Variants in TREML4 observed in about 807,000 individuals in gnomAD.
TREML4 encodes trem-like transcript 4 protein.
A neutral mutation model predicts 25.4 loss-of-function variants in TREML4; 25 were observed. The ratio of observed to expected loss-of-function variants is 0.98; its 90% CI spans 0.72 to 1.37. The LOEUF (loss-of-function observed/expected upper bound fraction) is 1.37. Ranked by LOEUF, TREML4 falls within the 40% of genes most tolerant of loss-of-function variation. The pLI is 0.00. For synonymous variants in TREML4, 92 were observed against 87.9 expected (o/e 1.05, Z -0.26); for missense variants, 268 against 236.5 (o/e 1.13, Z -0.87).
intron 3 of TREML4, 186 bp downstream of exon 3, chr6:41,229,757 T>C (rs1013452457): frequency 7.4e-6 from 5 of 677,752 alleles, no homozygotes; most frequent in Non-Finnish European, 1.3e-5. Flanking sequence ...CTATCTGATG[T>C]GATCAGAAGA....
At chr6:41,236,711 G>A (rs745784588) in intron 5 of TREML4, 94 bp downstream of exon 5, 21 of 682,892 alleles carry the variant, frequency 3.1e-5, no homozygotes, top group Middle Eastern at 3.9e-4. Flanking sequence ...AGGTCACAGA[G>A]GCAGGAAAAA....
Position 41,229,007 on chromosome 6 carries a change from C to T in TREML4, c.357C>T (p.Ile119=). ...CGIYNASENI[I]TVLRNISLVV... ...TCTACAACGCTTCCGAAAACATCAT[C>T]ACTGTTCTTAGAAATATCAGCCTGG... Residue 119 remains isoleucine, a synonymous_variant, in exon 2 of 6, where the codon ATC becomes ATT. Transcript: ENST00000341495. The T allele has an allele frequency of 6.2e-7, 1 of 1,614,086 alleles. No homozygotes were observed. The highest frequency in any genetic ancestry group is 8.5e-7 in the Non-Finnish European group (1 of 1,179,962).
At position 41,228,932 on chromosome 6, in the gene TREML4, C is replaced by G; in HGVS notation, c.282C>G (p.Ile94Met). The change falls in exon 2 of 6, where the codon ATC (isoleucine) becomes ATG (methionine). Residue 94 changes from isoleucine (I) to methionine (M), a missense_variant. Coordinates refer to ENST00000341495, the MANE Select transcript of TREML4 (RefSeq NM_198153.3). ...AGCCCAATGCTGGCTTCTTCAACAT[C>G]ACCATGATTCAGCTGACACAGAATG... Reference protein sequence around the residue: ...WDKPNAGFFNITMIQLTQNDS... With the variant: ...WDKPNAGFFNMTMIQLTQNDS... 1 of 1,614,164 alleles carries G rather than the reference C, an allele frequency of 6.2e-7. No individual in the cohort carries two copies. Among genetic ancestry groups the G allele is most frequent in the Admixed American group, 1.7e-5 (1 of 60,030 alleles).
intron 4 of TREML4, among the ~76,000 whole-genome samples, chr6:41,236,117 T>C (rs981751122): frequency 1.3e-5 from 2 of 152,004 alleles, no homozygotes; most frequent in African/African-American, 4.8e-5. Flanking sequence ...TCAGATGTGA[T>C]ATCTTGGCTG....
At chr6:41,232,904 G>A (rs901884360) in intron 4 of TREML4, among the ~76,000 whole-genome samples, 3 of 152,164 alleles carry the variant, frequency 2.0e-5, no homozygotes, top group Non-Finnish European at 4.4e-5. Flanking sequence ...CCCTCCCGCT[G>A]TGCAGCCAGA....
chr6:41,228,438 G>C lies in TREML4; in HGVS notation c.11G>C (p.Gly4Ala). MAWGGVHTCCFHLC... is the reference protein window; with the variant it reads MAWAGVHTCCFHLC... Reference sequence around the variant, plus strand: ...CAGATCTGGGCTGGAATGGCCTGGGGTGGGGTCCACACCTGCTGCTTCCAC... The same window carrying C: ...CAGATCTGGGCTGGAATGGCCTGGGCTGGGGTCCACACCTGCTGCTTCCAC... The change falls in exon 1 of 6, where the codon GGT (glycine) becomes GCT (alanine). Residue 4 changes from glycine to alanine, a missense_variant. Coordinates refer to ENST00000341495, the MANE Select transcript of TREML4 (RefSeq NM_198153.3). 6.2e-7 allele frequency: 1 copy of C among 1,612,062 alleles called. No homozygotes were observed. Among genetic ancestry groups the C allele is most frequent in the Non-Finnish European group, 8.5e-7 (1 of 1,179,168 alleles).
chr6:41,230,113 C>T lies in TREML4; in HGVS notation c.497C>T (p.Ser166Phe). The T allele has an allele frequency of 6.2e-7, 1 of 1,611,024 alleles. No individual in the cohort carries two copies. The highest frequency in any genetic ancestry group is 8.5e-7 in the Non-Finnish European group (1 of 1,177,170). The change falls in exon 4 of 6, where the codon TCT becomes TTT. Residue 166 changes from serine to phenylalanine, a missense_variant. Ser to Phe is a radical substitution (Grantham distance 155, BLOSUM62 -2). Coordinates refer to ENST00000341495, the MANE Select transcript of TREML4 (RefSeq NM_198153.3). ...GTSGHPSING[S>F]ETRKSRAPAC... ...TCTGGCCATCCCTCCATCAATGGCT[C>T]TGAGACCAGGTAGGTCAGAGGTTTT...
At chr6:41,229,081 C>A in intron 2 of TREML4, 37 bp downstream of exon 2, 1 of 1,544,286 alleles carries the variant, frequency 6.5e-7, no homozygotes. Flanking sequence ...TCTGTGCCAC[C>A]CCCCAGGGAC....
At chr6:41,234,722 G>C (rs879426839) in intron 4 of TREML4, among the ~76,000 whole-genome samples, 1 of 151,730 alleles carries the variant, frequency 6.6e-6, no homozygotes, top group Non-Finnish European at 1.5e-5. Context: ...AACTGAAACA[G>C]TTGATAAGAC....
intron 1 of TREML4, 84 bp downstream of exon 1, chr6:41,228,574 A>G (rs922334414): frequency 1.5e-5 from 22 of 1,516,926 alleles, no homozygotes; most frequent in Non-Finnish European, 2.0e-5. Flanking sequence ...CTGTGTGACC[A>G]TAGGACAGAA....
At chr6:41,232,841 C>T (rs1356898026) in intron 4 of TREML4, among the ~76,000 whole-genome samples, 3 of 152,146 alleles carry the variant, frequency 2.0e-5, no homozygotes, top group African/African-American at 7.2e-5. Flanking sequence ...GTGATGGGTG[C>T]GATGGGGAGT....
At chr6:41,229,453 T>A (rs1048062019) in intron 2 of TREML4, 68 bp from the exon 3 acceptor site, 1 of 1,557,106 alleles carries the variant, frequency 6.4e-7, no homozygotes, top group Non-Finnish European at 8.9e-7. Flanking sequence ...CCTCCTCTTA[T>A]GTATGGGGTA....
rs775484880 is a variant in TREML4 at position 41,228,827 on chromosome 6, T to G, written c.177T>G (p.Ser59=). 5.6e-6 allele frequency: 9 copies of G among 1,614,140 alleles called. No individual in the cohort carries two copies. The highest frequency in any genetic ancestry group is 4.4e-5 in the South Asian group (4 of 91,086). Residue 59 remains serine (S), a synonymous_variant, in exon 2 of 6, where the codon TCT becomes TCG. Transcript: ENST00000341495. ...YQPKSWCQQT[S]PSRCTLLVTS... Reference sequence around the variant, plus strand: ...CCAAATCCTGGTGTCAGCAGACATCTCCAAGTCGGTGTACCTTACTTGTCA... The same window carrying G: ...CCAAATCCTGGTGTCAGCAGACATCGCCAAGTCGGTGTACCTTACTTGTCA...
At position 41,229,032 on chromosome 6, in the gene TREML4, G is replaced by C. The variant is rs1425180436; in HGVS notation, c.382G>C (p.Val128Leu). Residue 128 changes from valine (V) to leucine (L), a missense_variant, in exon 2 of 6, where the codon GTG becomes CTG. Transcript: ENST00000341495. The part of the protein sequence containing the change: ...IITVLRNISL[V>L]VSPAPTTSPM... ...CACTGTTCTTAGAAATATCAGCCTG[G>C]TGGTGTCTCCAGGTGAGCTCTTTTC... The C allele has an allele frequency of 1.2e-6, 2 of 1,613,102 alleles. No individual in the cohort carries two copies. Among genetic ancestry groups the C allele is most frequent in the African/African-American group, 2.7e-5 (2 of 74,862 alleles).
chr6:41,231,577 T>C (rs1037012239), intron 4 of TREML4, among the ~76,000 whole-genome samples: 2 of 152,116 alleles, frequency 1.3e-5, no homozygotes, highest in Non-Finnish European at 2.9e-5. Flanking sequence ...AGGGGAGACG[T>C]CAACTATGTG....
At chr6:41,236,802 G>A (rs1766913124) in intron 5 of TREML4, among the ~76,000 whole-genome samples, 185 bp downstream of exon 5, 1 of 150,300 alleles carries the variant, frequency 6.7e-6, no homozygotes, top group Admixed American at 6.6e-5. Flanking sequence ...AAGAGACAGA[G>A]GCTTTCTGGG....
At chr6:41,229,731 G>A in intron 3 of TREML4, 160 bp downstream of exon 3, 1 of 761,188 alleles carries the variant, frequency 1.3e-6, no homozygotes, top group Non-Finnish European at 2.3e-6. Context: ...CTGTCTCTTA[G>A]GGAGAGAAAC....
intron 4 of TREML4, among the ~76,000 whole-genome samples, chr6:41,235,819 G>A (rs770084615): frequency 2.6e-5 from 4 of 152,072 alleles, no homozygotes; most frequent in Non-Finnish European, 5.9e-5. Flanking sequence ...GAAAAAGGAA[G>A]ATACATGAGT....
chr6:41,231,764 G>C (rs1368230847), intron 4 of TREML4, among the ~76,000 whole-genome samples: 1 of 152,194 alleles, frequency 6.6e-6, no homozygotes, highest in Non-Finnish European at 1.5e-5. Context: ...AAATCAAAGA[G>C]AAGTTAGGAG....
Sources: gnomAD v4.1 joint callset for allele counts (sites outside exome capture counted in the v4.1 genomes callset) on GRCh38, gnomAD v4.1.1 for gene constraint, MANE v1.5 for transcripts, NCBI Gene and HGNC (gene_info 2026-07-23, HGNC 2026-07-21) for gene names.